The following VPS13C variants were observed in gnomAD, a reference collection of about 807,000 sequenced individuals.
VPS13C encodes the protein vacuolar protein sorting 13 homolog C.
Under a neutral mutation model 456.8 loss-of-function variants are expected in VPS13C, and 358 were observed. That is an observed-to-expected ratio of 0.78 (90% CI 0.72 to 0.86). The LOEUF is 0.86. Among genes scored for constraint, VPS13C ranks in the 40% least tolerant of loss-of-function variants. The pLI, the probability that VPS13C is intolerant of heterozygous loss-of-function variation, is 0.00. For synonymous variants in VPS13C, 1,578 were observed against 1,486.7 expected (o/e 1.06, Z -1.41); for missense variants, 4,818 against 4,385.4 (o/e 1.10, Z -2.79).
At chr15:61,900,503 T>G (rs1371178770) in intron 66 of VPS13C, among the ~76,000 whole-genome samples, 2 of 152,130 alleles carry the variant, frequency 1.3e-5, no homozygotes, top group South Asian at 4.2e-4. Flanking sequence ...TGAACTCCCA[T>G]TCACAACTGA....
chr15:61,897,916 A>C (rs185109161), intron 66 of VPS13C, among the ~76,000 whole-genome samples: 6 of 152,208 alleles, frequency 3.9e-5, no homozygotes, highest in Non-Finnish European at 8.8e-5. Context: ...GGCAGAAACC[A>C]TACAAGCCAG....
intron 4 of VPS13C, 48 bp from the exon 5 acceptor site, chr15:62,033,590 TAAAC>T (rs768037117): frequency 1.2e-4 from 166 of 1,357,658 alleles, no homozygotes; most frequent in Non-Finnish European, 1.5e-4. Flanking sequence ...AATTAATAAA[TAAAC>T]AAACGGAAAA....
At chr15:61,880,009 T>C (rs1029705797) in intron 73 of VPS13C, among the ~76,000 whole-genome samples, 1 of 152,124 alleles carries the variant, frequency 6.6e-6, no homozygotes, top group Non-Finnish European at 1.5e-5. Context: ...ATCTGGCCCA[T>C]TACACAAGTT....
chr15:61,967,377 C>T lies in VPS13C; in HGVS notation c.2982G>A (p.Glu994=). The change falls in exon 29 of 85, where the codon GAG becomes GAA. Residue 994 remains glutamate (E), a synonymous_variant. Transcript: ENST00000644861. ...DKPGLDLLKV[E]YIKADKNGPS... ...ATTCTATAGCCCTTACCTTAATATA[C>T]TCCACTTTCAAAAGATCTAATCCAG... The T allele has an allele frequency of 6.2e-7, 1 of 1,605,110 alleles. No homozygotes were observed. Among genetic ancestry groups the T allele is most frequent in the Non-Finnish European group, 8.5e-7 (1 of 1,175,648 alleles).
intron 15 of VPS13C, among the ~76,000 whole-genome samples, chr15:62,001,647 C>A (rs1159263906): frequency 6.6e-6 from 1 of 152,138 alleles, no homozygotes; most frequent in Non-Finnish European, 1.5e-5. Flanking sequence ...TTAGGTATAT[C>A]TCCCAATGCT....
chr15:62,047,112 C>T (rs2048431228), intron 1 of VPS13C, among the ~76,000 whole-genome samples: 1 of 151,388 alleles, frequency 6.6e-6, no homozygotes, highest in African/African-American at 2.4e-5. Context: ...TTACTTTACC[C>T]CCAGACACGT....
At chr15:62,011,879 G>C (rs2047050499) in intron 12 of VPS13C, among the ~76,000 whole-genome samples, 1 of 151,892 alleles carries the variant, frequency 6.6e-6, no homozygotes, top group African/African-American at 2.4e-5. Context: ...TGGCTGTAGG[G>C]AATGAACTAC....
intron 1 of VPS13C, among the ~76,000 whole-genome samples, chr15:62,056,767 G>A (rs2048815568): frequency 6.6e-6 from 1 of 152,212 alleles, no homozygotes. Flanking sequence ...CTAGATAGCA[G>A]TAGTCAATTA....
intron 66 of VPS13C, among the ~76,000 whole-genome samples, chr15:61,904,580 CA>C (rs2043100720): frequency 6.6e-6 from 1 of 150,886 alleles, no homozygotes; most frequent in Non-Finnish European, 1.5e-5. Flanking sequence ...ACATGGAAAA[CA>C]GTATGGAGTT....
chr15:61,868,810 TGA>T (rs778571707), intron 80 of VPS13C, 37 bp from the exon 81 acceptor site: 37 of 1,501,752 alleles, frequency 2.5e-5, no homozygotes, highest in Non-Finnish European at 3.1e-5. Flanking sequence ...AGAAAATACG[TGA>T]GAGTCTTTCA....
chr15:62,022,316 T>C (rs2047491884), intron 8 of VPS13C, among the ~76,000 whole-genome samples: 2 of 151,880 alleles, frequency 1.3e-5, no homozygotes, highest in South Asian at 4.1e-4. Flanking sequence ...CATACAGTAA[T>C]TTGATTTTTA....
chr15:62,037,035 A>G (rs975317518), intron 3 of VPS13C, among the ~76,000 whole-genome samples: 24 of 148,782 alleles, frequency 1.6e-4, no homozygotes, highest in Non-Finnish European at 2.8e-4. Context: ...TACTTTGCAT[A>G]CTTATTTGTA....
At chr15:61,864,388 G>A (rs1445997585) in intron 81 of VPS13C, 6 of 902,598 alleles carry the variant, frequency 6.6e-6, no homozygotes, top group Non-Finnish European at 7.9e-6. Flanking sequence ...TATTAAAAAC[G>A]AGTTTTTTTA....
chr15:61,968,180 T>G (rs928518198), intron 28 of VPS13C, among the ~76,000 whole-genome samples: 15 of 152,142 alleles, frequency 9.9e-5, no homozygotes, highest in Admixed American at 9.8e-4. Context: ...GTTTCAACTA[T>G]TAAAAAGTTA....
chr15:61,920,007 A>G, intron 57 of VPS13C, 60 bp downstream of exon 57: 1 of 1,379,484 alleles, frequency 7.2e-7, no homozygotes. Context: ...ACATTTTATC[A>G]AAAATAAGCC....
chr15:62,037,310 AAATATATT>A lies in VPS13C; in HGVS notation c.188-2266_188-2259del, dbSNP rs1327498718. ...ATATTATATTATATAATATATATAT[AAATATATT>A]ATATATTATATACATTTATATATAA... On this transcript the variant is annotated intron_variant, in intron 3 of 84. Transcript: ENST00000644861. Among the ~76,000 whole-genome samples the A allele has an allele frequency of 2.7e-4, 18 of 67,822 alleles. No homozygotes were observed. The East Asian group carries it at 6.1e-3, about 23-fold the overall frequency. 44.5% of individuals were successfully genotyped at this position (67,822 alleles called of 152,430 possible).
intron 51 of VPS13C, 85 bp downstream of exon 51, chr15:61,929,416 T>C (rs2043977885): frequency 2.0e-6 from 3 of 1,503,640 alleles, no homozygotes; most frequent in Non-Finnish European, 1.8e-6. Context: ...TTTACGTTCT[T>C]AAATTTTTCA....
intron 16 of VPS13C, among the ~76,000 whole-genome samples, chr15:61,999,222 T>C (rs957776297): frequency 6.6e-6 from 1 of 151,946 alleles, no homozygotes; most frequent in Non-Finnish European, 1.5e-5. Context: ...CTACTAAAAA[T>C]ACAAAAATTA....
intron 16 of VPS13C, among the ~76,000 whole-genome samples, chr15:61,992,311 G>A (rs2046247853): frequency 6.6e-6 from 1 of 152,090 alleles, no homozygotes; most frequent in Non-Finnish European, 1.5e-5. Flanking sequence ...AACAAATCCT[G>A]ACTTGATTTT....
Sources: allele counts gnomAD v4.1 joint callset (sites outside exome capture counted in the v4.1 genomes callset), GRCh38; gene constraint gnomAD v4.1.1; transcripts MANE v1.5; gene names NCBI Gene and HGNC (gene_info 2026-07-23, HGNC 2026-07-21).